PLD5: variants seen among roughly 807,000 people sequenced by gnomAD.
PLD5 encodes the protein phospholipase D family member 5.
PLD5 carries 36 observed loss-of-function variants against 61.1 expected under a neutral mutation model. The observed-to-expected ratio is 0.59, with a 90% CI of 0.45 to 0.78. The LOEUF is 0.78. Ranked by LOEUF, PLD5 falls within the 30% of genes least tolerant of loss-of-function variation. The pLI is 0.00. For missense variants in PLD5, 515 were observed against 644.4 expected (o/e 0.80, Z 2.17); for synonymous variants, 243 against 242.8 (o/e 1.00, Z -0.01).
At chr1:242,510,542 A>C (rs1668871229) in intron 1 of PLD5, among the ~76,000 whole-genome samples, 1 of 152,168 alleles carries the variant, frequency 6.6e-6, no homozygotes, top group African/African-American at 2.4e-5. Flanking sequence ...ATATTTCAAG[A>C]GTTTTATAAA....
At chr1:242,515,042 G>A (rs1487380167) in intron 1 of PLD5, among the ~76,000 whole-genome samples, 1 of 152,194 alleles carries the variant, frequency 6.6e-6, no homozygotes, top group Non-Finnish European at 1.5e-5. Flanking sequence ...AATCTTCTGT[G>A]TATAGCTCTG....
At chr1:242,391,121 G>T (rs1026123608) in intron 1 of PLD5, among the ~76,000 whole-genome samples, 11 of 152,190 alleles carry the variant, frequency 7.2e-5, no homozygotes, top group African/African-American at 2.7e-4. Flanking sequence ...CGTGAACCCG[G>T]GAGGCGGAGC....
chr1:242,399,698 A>G (rs1024000145), intron 1 of PLD5, among the ~76,000 whole-genome samples: 1 of 152,014 alleles, frequency 6.6e-6, no homozygotes, highest in African/African-American at 2.4e-5. Flanking sequence ...GCTGCAAACT[A>G]TTATGGTACC....
rs977846208 is a variant in PLD5 at position 242,512,239 on chromosome 1, G to A, written c.189+11849C>T. ...ATCCTGGCTAACACGGTGAAACCTCGTCTCTACTAAAAATACAAAAAAAAA... is the reference window on the plus strand; with the variant it reads ...ATCCTGGCTAACACGGTGAAACCTCATCTCTACTAAAAATACAAAAAAAAA... On this transcript the variant is annotated intron_variant, in intron 1 of 9. Transcript: ENST00000536534. Among the ~76,000 whole-genome samples the A allele has an allele frequency of 6.3e-4, 94 of 148,260 alleles. 1 individual carries two copies. The highest frequency in any genetic ancestry group is 1.8e-3 in the African/African-American group (72 of 40,006).
intron 1 of PLD5, among the ~76,000 whole-genome samples, chr1:242,469,166 T>C (rs1285419507): frequency 6.6e-6 from 1 of 152,252 alleles, no homozygotes; most frequent in African/African-American, 2.4e-5. Context: ...TCAGCGTATC[T>C]TGAAAGTGCA....
intron 1 of PLD5, among the ~76,000 whole-genome samples, chr1:242,511,443 C>G (rs930889812): frequency 2.6e-5 from 4 of 152,018 alleles, no homozygotes; most frequent in Admixed American, 2.6e-4. Flanking sequence ...AGAAACACGG[C>G]GAACACTACT....
intron 1 of PLD5, among the ~76,000 whole-genome samples, chr1:242,501,807 T>C (rs1026949497): frequency 6.7e-6 from 1 of 149,708 alleles, no homozygotes; most frequent in Non-Finnish European, 1.5e-5. Flanking sequence ...TATATATATA[T>C]ATACACTACA....
At chr1:242,524,812 G>C (rs911030951), upstream of PLD5, 49 of 150,328 alleles carry the variant, frequency 3.3e-4, no homozygotes, top group African/African-American at 1.1e-3. Context: ...AGGAGCCGCC[G>C]CCGCCCCTCC....
At position 242,083,132 on chromosome 1, in the gene PLD5, C is replaced by G. The variant is rs1034134307; in HGVS notation, c.*6722G>C. On this transcript the variant is annotated 3_prime_UTR_variant, in exon 10 of 10. Transcript: ENST00000536534. ...GAGCAGAATGGTGAATCAACAAGAC[C>G]TCAAATTGTCTTGACTGCAGAAGTA... is the stretch of plus-strand genomic sequence containing the variant. 6.6e-6 allele frequency: 1 copy of G among 152,118 alleles called. No individual in the cohort carries two copies. The highest frequency in any genetic ancestry group is 6.5e-5 in the Admixed American group (1 of 15,278). The allele number at this position is 152,118 out of a possible 1,614,324, so 9.4% of individuals were successfully genotyped here.
chr1:242,233,944 C>G (rs12090351), intron 4 of PLD5, among the ~76,000 whole-genome samples: 12,521 of 152,102 alleles, frequency 0.082, 644 homozygotes, highest in East Asian at 0.16. Context: ...GAAGAACAAT[C>G]CTTTCTACAT....
intron 1 of PLD5, among the ~76,000 whole-genome samples, chr1:242,510,821 G>C (rs867690710): frequency 6.6e-6 from 1 of 151,910 alleles, no homozygotes; most frequent in Non-Finnish European, 1.5e-5. Flanking sequence ...CTCCAGCCTG[G>C]GTGACAGAGC....
At chr1:242,377,421 G>A in intron 1 of PLD5, 3 of 984,790 alleles carry the variant, frequency 3.0e-6, no homozygotes, top group Non-Finnish European at 4.7e-6. Flanking sequence ...GGGGACCTTG[G>A]TGTCTTCTTT....
chr1:242,291,946 G>A (rs551737834), intron 2 of PLD5, among the ~76,000 whole-genome samples: 3 of 152,262 alleles, frequency 2.0e-5, no homozygotes, highest in African/African-American at 4.8e-5. Flanking sequence ...GCCTACTGAC[G>A]GTTGAGTGAA....
At chr1:242,446,506 G>A (rs1224858202) in intron 1 of PLD5, among the ~76,000 whole-genome samples, 1 of 152,174 alleles carries the variant, frequency 6.6e-6, no homozygotes, top group Non-Finnish European at 1.5e-5. Flanking sequence ...TAGACGTGGA[G>A]GTTGCAGTGA....
chr1:242,104,297 C>CTTT (rs368132707), intron 8 of PLD5, among the ~76,000 whole-genome samples: 2,031 of 129,504 alleles, frequency 0.016, 55 homozygotes, highest in African/African-American at 0.056. Flanking sequence ...CTAGTTTTTG[C>CTTT]TTTTTTTTTT....
chr1:242,105,343 C>A (rs1199378028), intron 8 of PLD5, among the ~76,000 whole-genome samples: 1 of 152,010 alleles, frequency 6.6e-6, no homozygotes, highest in Non-Finnish European at 1.5e-5. Flanking sequence ...TGTGCCTCAG[C>A]CTCCCAAGTA....
At chr1:242,216,770 G>T (rs114632522) in intron 5 of PLD5, among the ~76,000 whole-genome samples, 1 of 152,216 alleles carries the variant, frequency 6.6e-6, no homozygotes, top group East Asian at 1.9e-4. Flanking sequence ...ACTGAGTTAG[G>T]GTCTGTGGGT....
intron 4 of PLD5, among the ~76,000 whole-genome samples, chr1:242,263,067 C>G (rs562724954): frequency 1.3e-5 from 2 of 152,174 alleles, no homozygotes; most frequent in Non-Finnish European, 2.9e-5. Flanking sequence ...GCATGGGGAG[C>G]AAAAGGAACA....
chr1:242,377,489 G>C, intron 1 of PLD5: 1 of 660,156 alleles, frequency 1.5e-6, no homozygotes. Flanking sequence ...AGTAAACACA[G>C]CTTCTTCCAA....
Sources: gnomAD v4.1 joint callset for allele counts (sites outside exome capture counted in the v4.1 genomes callset) on GRCh38, gnomAD v4.1.1 for gene constraint, MANE v1.5 for transcripts, NCBI Gene and HGNC (gene_info 2026-07-23, HGNC 2026-07-21) for gene names.